The following KIAA1217 variants were observed in gnomAD, a reference collection of about 807,000 sequenced individuals.
KIAA1217 encodes KIAA1217.
In KIAA1217, 88 loss-of-function variants were observed where a neutral mutation model predicts 163.9. That is an observed-to-expected ratio of 0.54 (90% CI 0.45 to 0.64). The LOEUF is 0.64. Ranked by LOEUF, KIAA1217 falls within the 30% of genes least tolerant of loss-of-function variation. The pLI is 0.00. For missense variants in KIAA1217, 2,372 were observed against 2,475.0 expected (o/e 0.96, Z 0.88); for synonymous variants, 903 against 923.1 (o/e 0.98, Z 0.39).
chr10:24,199,025 T>C (rs949947143), intron 2 of KIAA1217, among the ~76,000 whole-genome samples: 4 of 152,108 alleles, frequency 2.6e-5, no homozygotes, highest in African/African-American at 9.7e-5. Context: ...TCAAGACCAG[T>C]TTGGGCAATA....
intron 6 of KIAA1217, among the ~76,000 whole-genome samples, chr10:24,480,576 C>T (rs2064551299): frequency 6.6e-6 from 1 of 152,152 alleles, no homozygotes. Context: ...AGTATCTACC[C>T]CACAGGATGC....
chr10:24,133,406 T>C (rs1251238675), intron 2 of KIAA1217, among the ~76,000 whole-genome samples: 1 of 151,978 alleles, frequency 6.6e-6, no homozygotes, highest in Non-Finnish European at 1.5e-5. Context: ...ACCCTGTCTC[T>C]ATTAAAAATA....
intron 1 of KIAA1217, among the ~76,000 whole-genome samples, chr10:23,921,292 C>T (rs1012552670): frequency 6.6e-6 from 1 of 152,156 alleles, no homozygotes; most frequent in Non-Finnish European, 1.5e-5. Context: ...CAGAACACCC[C>T]TTTCCTGCAG....
intron 1 of KIAA1217, among the ~76,000 whole-genome samples, chr10:23,997,744 A>C (rs1846551972): frequency 6.6e-6 from 1 of 152,172 alleles, no homozygotes; most frequent in Admixed American, 6.5e-5. Context: ...AGGGAATTAA[A>C]GGCTTCAGGC....
intron 5 of KIAA1217, among the ~76,000 whole-genome samples, chr10:24,457,139 A>G (rs544555001): frequency 6.6e-6 from 1 of 152,154 alleles, no homozygotes; most frequent in Non-Finnish European, 1.5e-5. Context: ...ATTGTCACTT[A>G]TCTTCTGTCC....
chr10:24,407,111 A>G (rs1416163439), intron 3 of KIAA1217, among the ~76,000 whole-genome samples: 2 of 152,216 alleles, frequency 1.3e-5, no homozygotes, highest in Admixed American at 1.3e-4. Context: ...CTCCATCTAT[A>G]AAATCCTGAC....
intron 2 of KIAA1217, among the ~76,000 whole-genome samples, chr10:24,093,642 A>C (rs892290830): frequency 2.7e-5 from 4 of 150,750 alleles, no homozygotes; most frequent in Admixed American, 2.6e-4. Flanking sequence ...TATAATGGTT[A>C]CTTTTTTAAA....
At chr10:24,440,738 C>T (rs1180501365) in intron 5 of KIAA1217, among the ~76,000 whole-genome samples, 3 of 152,086 alleles carry the variant, frequency 2.0e-5, no homozygotes, top group Non-Finnish European at 2.9e-5. Context: ...AATCATTGTC[C>T]CCAAATGAAG....
chr10:24,095,829 G>T (rs1373896926), intron 2 of KIAA1217, among the ~76,000 whole-genome samples: 1 of 152,160 alleles, frequency 6.6e-6, no homozygotes, highest in Admixed American at 6.5e-5. Context: ...ACTTGCACCT[G>T]GCGTGGTGGT....
chr10:23,998,265 C>T (rs1846588377), intron 1 of KIAA1217, among the ~76,000 whole-genome samples: 2 of 152,074 alleles, frequency 1.3e-5, no homozygotes, highest in African/African-American at 4.8e-5. Flanking sequence ...CAGTCTGGCC[C>T]CATCCTAAAA....
At chr10:24,365,401 G>T (rs10741055) in intron 2 of KIAA1217, among the ~76,000 whole-genome samples, 112,752 of 140,860 alleles carry the variant, frequency 0.8, 42,421 homozygotes, top group South Asian at 0.88. Context: ...CTTTTTTTTT[G>T]TCCCCCTTTT....
chr10:24,474,731 A>G (rs2063829706), intron 6 of KIAA1217, among the ~76,000 whole-genome samples: 1 of 152,158 alleles, frequency 6.6e-6, no homozygotes, highest in Non-Finnish European at 1.5e-5. Context: ...GAAGCTTCCT[A>G]CTCTATCTTG....
At chr10:24,169,369 C>T (rs1427195596) in intron 2 of KIAA1217, among the ~76,000 whole-genome samples, 1 of 152,224 alleles carries the variant, frequency 6.6e-6, no homozygotes, top group Non-Finnish European at 1.5e-5. Context: ...CTTTCTTACC[C>T]ACAATCACCC....
intron 2 of KIAA1217, chr10:24,239,412 A>G (rs145809383): frequency 7.7e-6 from 4 of 518,308 alleles, no homozygotes; most frequent in African/African-American, 4.2e-5. Flanking sequence ...GTTTCTCGGC[A>G]TTGTTCTCTT....
chr10:24,422,513 C>G (rs187131403), intron 3 of KIAA1217, among the ~76,000 whole-genome samples: 1 of 152,166 alleles, frequency 6.6e-6, no homozygotes, highest in African/African-American at 2.4e-5. Context: ...GCTACAAGTT[C>G]TGTTGTGACT....
chr10:23,752,323 T>C (rs1839780102), intron 1 of KIAA1217, among the ~76,000 whole-genome samples: 1 of 152,206 alleles, frequency 6.6e-6, no homozygotes, highest in Admixed American at 6.5e-5. Flanking sequence ...ATTTACATTT[T>C]ATTGACTCCT....
chr10:23,982,957 G>A (rs1470694870), intron 1 of KIAA1217, among the ~76,000 whole-genome samples: 2 of 152,052 alleles, frequency 1.3e-5, no homozygotes, highest in African/African-American at 4.8e-5. Flanking sequence ...GTTGACCATG[G>A]TTGTGTGGAC....
intron 1 of KIAA1217, among the ~76,000 whole-genome samples, chr10:23,727,742 A>C (rs985451872): frequency 2.8e-4 from 42 of 152,040 alleles, no homozygotes; most frequent in African/African-American, 9.9e-4. Context: ...GGTTTGCTGC[A>C]CTCATCAACC....
rs1056256525 is a variant in KIAA1217 at position 23,873,464 on chromosome 10, T to C, written c.-320-133761T>C. On this transcript the variant is annotated intron_variant, in intron 1 of 18. Transcript: ENST00000376462. Reference sequence around the variant, plus strand: ...CATTACTCTGTGCCATTGAACATACTGCATCCGGCCTTACTCATAAGTTAG... The same window carrying C: ...CATTACTCTGTGCCATTGAACATACCGCATCCGGCCTTACTCATAAGTTAG... Among the ~76,000 whole-genome samples the C allele has an allele frequency of 2.6e-3, 402 of 152,162 alleles. 10 individuals are homozygous for C. Among genetic ancestry groups the C allele is most frequent in the Non-Finnish European group, 8.7e-4 (59 of 67,968 alleles).
Sources: allele counts gnomAD v4.1 joint callset (sites outside exome capture counted in the v4.1 genomes callset), GRCh38; gene constraint gnomAD v4.1.1; transcripts MANE v1.5; gene names NCBI Gene and HGNC (gene_info 2026-07-23, HGNC 2026-07-21).